PIP5K1B: variants seen among roughly 807,000 people sequenced by gnomAD.
PIP5K1B encodes phosphatidylinositol-4-phosphate 5-kinase type 1 beta.
A neutral mutation model predicts 67.0 loss-of-function variants in PIP5K1B; 42 were observed. The ratio of observed to expected loss-of-function variants is 0.63; its 90% CI spans 0.49 to 0.81. PIP5K1B has a LOEUF of 0.81. PIP5K1B is among the 30% of genes least tolerant of loss of function. The pLI, the probability that PIP5K1B is intolerant of heterozygous loss-of-function variation, is 0.00. For synonymous variants in PIP5K1B, 214 were observed against 231.4 expected (o/e 0.92, Z 0.68); for missense variants, 459 against 646.3 (o/e 0.71, Z 3.14).
At chr9:68,852,184 C>G (rs1403588787) in intron 4 of PIP5K1B, among the ~76,000 whole-genome samples, 1 of 152,004 alleles carries the variant, frequency 6.6e-6, no homozygotes, top group Non-Finnish European at 1.5e-5. Context: ...ACCTATGTAA[C>G]AAACCTGCAT....
At chr9:68,972,486 C>G (rs959648000) in intron 14 of PIP5K1B, among the ~76,000 whole-genome samples, 6 of 152,038 alleles carry the variant, frequency 3.9e-5, no homozygotes, top group Non-Finnish European at 7.4e-5. Flanking sequence ...ACAAAAAATA[C>G]AAAAATTAGC....
rs1170444020 is a variant in PIP5K1B, at chr9:68,972,810, AAT to A, written c.1503-18328_1503-18327del. Among the ~76,000 whole-genome samples the A allele has an allele frequency of 3.9e-5, 6 of 152,312 alleles. No homozygotes were observed. The South Asian group carries it at 8.3e-4, about 21-fold the overall frequency. ...TATAATTATCTTCAACAATAATACT[AAT>A]AACTAAAATGTATTGAACACAAGGG... On this transcript the variant is annotated intron_variant, in intron 14 of 15. Transcript: ENST00000265382.
At chr9:68,769,702 G>A (rs1173083217) in intron 2 of PIP5K1B, among the ~76,000 whole-genome samples, 4 of 151,552 alleles carry the variant, frequency 2.6e-5, no homozygotes, top group African/African-American at 4.9e-5. Context: ...TTCCTTTTTT[G>A]TATCATCGGT....
chr9:68,973,079 G>A (rs994241835), intron 14 of PIP5K1B, among the ~76,000 whole-genome samples: 2 of 152,188 alleles, frequency 1.3e-5, no homozygotes, highest in Non-Finnish European at 2.9e-5. Flanking sequence ...AAGATAAAGT[G>A]ACTGCCCAAG....
chr9:68,944,430 G>A (rs1432532012), intron 14 of PIP5K1B, among the ~76,000 whole-genome samples: 2 of 152,170 alleles, frequency 1.3e-5, no homozygotes, highest in African/African-American at 4.8e-5. Flanking sequence ...TATGCATAAG[G>A]AATTGAAAGT....
At chr9:68,887,693 A>G (rs1332617763) in intron 6 of PIP5K1B, among the ~76,000 whole-genome samples, 3 of 152,220 alleles carry the variant, frequency 2.0e-5, no homozygotes, top group Non-Finnish European at 4.4e-5. Flanking sequence ...GCTTGCCATA[A>G]CAATCCAGGC....
At chr9:68,756,740 A>G (rs568734670) in intron 2 of PIP5K1B, among the ~76,000 whole-genome samples, 1 of 152,138 alleles carries the variant, frequency 6.6e-6, no homozygotes, top group African/African-American at 2.4e-5. Flanking sequence ...ATGCATCTCA[A>G]TCTTTAGAAG....
intron 14 of PIP5K1B, among the ~76,000 whole-genome samples, chr9:68,978,641 A>C (rs1564288158): frequency 6.6e-6 from 1 of 152,360 alleles, no homozygotes; most frequent in East Asian, 1.9e-4. Context: ...CTCAGTATAC[A>C]TTTGAATGGA....
intron 12 of PIP5K1B, among the ~76,000 whole-genome samples, chr9:68,923,793 T>C (rs1587673225): frequency 2.0e-5 from 3 of 152,170 alleles, no homozygotes; most frequent in African/African-American, 7.2e-5. Context: ...GCAGTTATTC[T>C]CATAGGACAT....
intron 6 of PIP5K1B, among the ~76,000 whole-genome samples, chr9:68,883,445 C>G (rs985198096): frequency 6.6e-6 from 1 of 152,174 alleles, no homozygotes; most frequent in African/African-American, 2.4e-5. Flanking sequence ...ATCAAAGTTG[C>G]CAATGACTTA....
chr9:68,787,965 AAAG>A (rs1831724391), intron 2 of PIP5K1B, among the ~76,000 whole-genome samples: 1 of 152,228 alleles, frequency 6.6e-6, no homozygotes, highest in Non-Finnish European at 1.5e-5. Context: ...AAAAATCAAC[AAAG>A]AAGTCTTTCG....
chr9:68,902,968 TGA>T (rs1169229879), intron 8 of PIP5K1B, among the ~76,000 whole-genome samples: 1 of 152,222 alleles, frequency 6.6e-6, no homozygotes, highest in African/African-American at 2.4e-5. Context: ...GATATGCCTG[TGA>T]GACTATGCAA....
intron 6 of PIP5K1B, among the ~76,000 whole-genome samples, chr9:68,882,391 C>T (rs1824241592): frequency 6.6e-6 from 1 of 152,046 alleles, no homozygotes; most frequent in African/African-American, 2.4e-5. Context: ...GAATAGCCCC[C>T]AAAGGGTTAT....
At chr9:68,973,454 G>T (rs1829490220) in intron 14 of PIP5K1B, among the ~76,000 whole-genome samples, 1 of 152,114 alleles carries the variant, frequency 6.6e-6, no homozygotes, top group Admixed American at 6.6e-5. Context: ...CTCTGAAAAT[G>T]GATAATTTAG....
At chr9:68,989,462 G>C (rs1308303873) in intron 14 of PIP5K1B, among the ~76,000 whole-genome samples, 2 of 151,984 alleles carry the variant, frequency 1.3e-5, no homozygotes, top group Non-Finnish European at 2.9e-5. Flanking sequence ...AAGACCATAG[G>C]CTGCTGTTGG....
At chr9:68,862,509 G>A (rs1202843899) in intron 4 of PIP5K1B, among the ~76,000 whole-genome samples, 1 of 152,094 alleles carries the variant, frequency 6.6e-6, no homozygotes, top group Non-Finnish European at 1.5e-5. Flanking sequence ...AAAGCTGGAA[G>A]TGGGCCGGGC....
At chr9:68,970,178 T>C (rs924198413) in intron 14 of PIP5K1B, among the ~76,000 whole-genome samples, 1 of 152,224 alleles carries the variant, frequency 6.6e-6, no homozygotes, top group Non-Finnish European at 1.5e-5. Flanking sequence ...TTAAATGTTA[T>C]AAAGGATGAT....
At chr9:68,957,185 G>A (rs1208329727) in intron 14 of PIP5K1B, among the ~76,000 whole-genome samples, 1 of 151,440 alleles carries the variant, frequency 6.6e-6, no homozygotes, top group Non-Finnish European at 1.5e-5. Flanking sequence ...CATAGCTTCA[G>A]ACATCACGTC....
chr9:68,748,437 A>G lies in PIP5K1B; in HGVS notation c.-86+5780A>G, dbSNP rs147999251. ...ATTTGCTGCATTTTACTTTAGACTC[A>G]GGAAGAAGGCTCTAGATAGTTCTAT... On this transcript the variant is annotated intron_variant, in intron 2 of 15. Transcript: ENST00000265382. 4.1e-3 allele frequency among the ~76,000 whole-genome samples: 618 copies of G among 152,302 alleles called. 4 individuals are homozygous for G. The highest frequency in any genetic ancestry group is 5.3e-3 in the Non-Finnish European group (362 of 68,014).
Sources: allele counts gnomAD v4.1 joint callset (sites outside exome capture counted in the v4.1 genomes callset), GRCh38; gene constraint gnomAD v4.1.1; transcripts MANE v1.5; gene names NCBI Gene and HGNC (gene_info 2026-07-23, HGNC 2026-07-21).